Variants in SND1 observed in about 807,000 individuals in gnomAD.
The protein encoded by SND1 is staphylococcal nuclease and tudor domain containing 1.
SND1 carries 38 observed loss-of-function variants against 121.7 expected under a neutral mutation model. The observed-to-expected ratio is 0.31, with a 90% CI of 0.24 to 0.41. The LOEUF is 0.41. SND1 is among the 10% of genes least tolerant of loss of function. SND1 has a pLI of 1.00. For missense variants in SND1, 868 were observed against 1,184.6 expected, an observed-to-expected ratio of 0.73 and a Z score of 3.92; for synonymous variants, 401 against 447.4, an observed-to-expected ratio of 0.90 and a Z score of 1.31.
chr7:128,029,812 T>C lies in SND1; in HGVS notation c.1779+38756T>C. 6.2e-7 allele frequency: 1 copy of C among 1,613,668 alleles called. No homozygotes were observed. The highest frequency in any genetic ancestry group is 8.5e-7 in the Non-Finnish European group (1 of 1,180,016). The stretch of plus-strand genomic sequence containing the variant: ...AGGTCATGGGGCAAAGAAGAGAGGT[T>C]ATTGTGGGCCAAGTTGAGTTCCACA... On this transcript the variant is annotated intron_variant, in intron 16 of 23. Coordinates refer to ENST00000354725, the MANE Select transcript of SND1 (RefSeq NM_014390.4). The surrounding 1 kb of genome is among the most constrained non-coding windows in gnomAD (Gnocchi z 4.2).
intron 1 of SND1, among the ~76,000 whole-genome samples, chr7:127,664,948 G>A (rs910264786): frequency 8.5e-5 from 13 of 152,188 alleles, no homozygotes; most frequent in African/African-American, 2.9e-4. Flanking sequence ...TTTTTAGGGT[G>A]GTAGGTGGTA....
At chr7:128,000,988 G>A (rs997637380) in intron 16 of SND1, among the ~76,000 whole-genome samples, 4 of 152,134 alleles carry the variant, frequency 2.6e-5, no homozygotes, top group African/African-American at 9.7e-5. Flanking sequence ...CCCTGTTCTT[G>A]CCATTAGCAT....
At chr7:128,008,309 G>A (rs1170760923) in intron 16 of SND1, among the ~76,000 whole-genome samples, 1 of 152,200 alleles carries the variant, frequency 6.6e-6, no homozygotes, top group Non-Finnish European at 1.5e-5. Flanking sequence ...TAGAGGAGGA[G>A]TACAGGTGTC....
At chr7:127,864,621 TC>T (rs1282000489) in intron 12 of SND1, among the ~76,000 whole-genome samples, 1 of 152,228 alleles carries the variant, frequency 6.6e-6, no homozygotes, top group Admixed American at 6.5e-5. Context: ...GGTGTCTTTC[TC>T]CCTTTTTTCA....
chr7:128,042,404 GCCTC>G (rs1792871598), intron 16 of SND1: 1 of 152,262 alleles, frequency 6.6e-6, no homozygotes, highest in African/African-American at 2.4e-5. Context: ...CTGGCAGTCA[GCCTC>G]CATGAGCCAG....
intron 12 of SND1, among the ~76,000 whole-genome samples, chr7:127,860,623 C>T (rs1271361848): frequency 5.3e-5 from 8 of 152,270 alleles, no homozygotes; most frequent in African/African-American, 1.9e-4. Flanking sequence ...CTATTTGTAA[C>T]TGATTTTCAA....
chr7:127,762,041 T>C (rs1037505043), intron 10 of SND1, among the ~76,000 whole-genome samples: 8 of 152,202 alleles, frequency 5.3e-5, no homozygotes, highest in Non-Finnish European at 1.2e-4. Flanking sequence ...AGTTTTGGTG[T>C]GAGAGAAAGA....
intron 16 of SND1, chr7:128,027,006 T>C (rs1399354275): frequency 6.6e-6 from 1 of 151,808 alleles, no homozygotes; most frequent in Non-Finnish European, 1.5e-5. Context: ...TAAATAGAAA[T>C]GATTGGCTCA....
At chr7:127,653,471 T>C (rs2116213421) in intron 1 of SND1, among the ~76,000 whole-genome samples, 1 of 152,296 alleles carries the variant, frequency 6.6e-6, no homozygotes, top group South Asian at 2.1e-4. Context: ...TGTGATACTT[T>C]CTCCCAAGGC....
rs1392542620 is a variant in SND1, at chr7:127,844,482, G to T, written c.1343+58G>T. On this transcript the variant is annotated intron_variant, in intron 12 of 23. Transcript: ENST00000354725. ...CATCTCAAGTAGCTAAGAGTTCTTT[G>T]CTCATTTGAATCTTTCCTTCCTTTC... 6 of 1,357,354 alleles carry T rather than the reference G, an allele frequency of 4.4e-6. No individual in the cohort carries two copies. In the Admixed American group the frequency reaches 1.1e-4, roughly 25 times the overall value. 84.1% of individuals were successfully genotyped at this position (1,357,354 alleles called of 1,614,324 possible).
At chr7:127,972,239 G>T (rs568043672) in intron 15 of SND1, among the ~76,000 whole-genome samples, 18 of 152,044 alleles carry the variant, frequency 1.2e-4, no homozygotes, top group African/African-American at 4.3e-4. Context: ...TAGTTTTTAG[G>T]TTTTTTGCAG....
At chr7:127,682,993 C>T (rs1795753225) in intron 1 of SND1, among the ~76,000 whole-genome samples, 1 of 152,160 alleles carries the variant, frequency 6.6e-6, no homozygotes, top group Admixed American at 6.5e-5. Context: ...GACCCTTGGC[C>T]TTTTTCATAT....
At chr7:127,912,784 G>A (rs1800487644) in intron 14 of SND1, among the ~76,000 whole-genome samples, 1 of 152,078 alleles carries the variant, frequency 6.6e-6, no homozygotes, top group African/African-American at 2.4e-5. Flanking sequence ...TATATAGTGG[G>A]CAATAAAGGA....
At chr7:127,977,467 A>C (rs771852654) in intron 15 of SND1, among the ~76,000 whole-genome samples, 17 of 152,306 alleles carry the variant, frequency 1.1e-4, no homozygotes, top group Admixed American at 2.6e-4. Context: ...CTAGGATGTC[A>C]GATTGTGGAG....
At chr7:127,691,487 TGAACCAA>T (rs1795913510) in intron 2 of SND1, among the ~76,000 whole-genome samples, 1 of 151,104 alleles carries the variant, frequency 6.6e-6, no homozygotes, top group Non-Finnish European at 1.5e-5. Flanking sequence ...GAGGTTGCAG[TGAACCAA>T]GATTATGCCA....
chr7:128,004,823 G>A (rs1358666102), intron 16 of SND1, among the ~76,000 whole-genome samples: 1 of 152,232 alleles, frequency 6.6e-6, no homozygotes, highest in Non-Finnish European at 1.5e-5. Context: ...TGTGTGGTCA[G>A]TATCCGTTTC....
intron 11 of SND1, among the ~76,000 whole-genome samples, chr7:127,815,376 G>C (rs751996906): frequency 6.6e-6 from 1 of 152,156 alleles, no homozygotes; most frequent in Non-Finnish European, 1.5e-5. Context: ...TGTAGTCCCA[G>C]CTATTTGGGT....
intron 13 of SND1, among the ~76,000 whole-genome samples, chr7:127,889,642 C>G (rs765247623): frequency 3.3e-5 from 5 of 151,282 alleles, no homozygotes; most frequent in Admixed American, 3.3e-4. Flanking sequence ...TTTTTTGTAC[C>G]CATTATCCAT....
At chr7:127,948,306 G>A (rs1035751156) in intron 15 of SND1, among the ~76,000 whole-genome samples, 1 of 152,014 alleles carries the variant, frequency 6.6e-6, no homozygotes, top group Non-Finnish European at 1.5e-5. Context: ...CTAGCTATTG[G>A]CCCTGGATTA....
Sources: allele counts gnomAD v4.1 joint callset (sites outside exome capture counted in the v4.1 genomes callset), GRCh38; gene constraint gnomAD v4.1.1; non-coding constraint Gnocchi (gnomAD v3.1); transcripts MANE v1.5; gene names NCBI Gene and HGNC (gene_info 2026-07-23, HGNC 2026-07-21).